The following CTBP1 variants were observed in gnomAD, a reference collection of about 807,000 sequenced individuals.
CTBP1 encodes the protein C-terminal-binding protein 1.
Under a neutral mutation model 42.1 loss-of-function variants are expected in CTBP1, and 11 were observed. That is an observed-to-expected ratio of 0.26 (90% CI 0.16 to 0.43). The LOEUF (loss-of-function observed/expected upper bound fraction) is 0.43. CTBP1 is among the 20% of genes least tolerant of loss of function. The pLI, the probability that CTBP1 is intolerant of heterozygous loss-of-function variation, is 1.00. For synonymous variants in CTBP1, 324 were observed against 277.1 expected, an observed-to-expected ratio of 1.17 and a Z score of -1.68; for missense variants, 399 against 624.3, an observed-to-expected ratio of 0.64 and a Z score of 3.85.
Position 1,212,145 on chromosome 4 carries a change from C to G in CTBP1, c.*95G>C, listed in dbSNP as rs541511602. The stretch of plus-strand genomic sequence containing the variant: ...ACAGCCCGGACCAGTCTCTGCAGTG[C>G]CAGGGCCACCACACAGATGCCTCCT... On this transcript the variant is annotated 3_prime_UTR_variant, in exon 10 of 10. Transcript: ENST00000382952. 4 of 1,113,856 alleles carry G rather than the reference C, an allele frequency of 3.6e-6. No homozygotes were observed. In the African/African-American group the frequency reaches 6.6e-5, roughly 18 times the overall value. The allele number at this position is 1,113,856 out of a possible 1,614,324, so 69.0% of individuals were successfully genotyped here.
intron 1 of CTBP1, chr4:1,243,915 ATGT>A (rs1732445268): frequency 3.0e-6 from 3 of 985,372 alleles, no homozygotes; most frequent in Non-Finnish European, 3.6e-6. Context: ...GCTTAACCTC[ATGT>A]TGTAAGAAAG....
At chr4:1,227,107 G>A (rs1456125684) in intron 4 of CTBP1, among the ~76,000 whole-genome samples, 2 of 152,076 alleles carry the variant, frequency 1.3e-5, no homozygotes, top group East Asian at 3.9e-4. Flanking sequence ...ACCGCCCCAA[G>A]TTTGTTCTAA....
At chr4:1,221,736 C>T (rs1269030181) in intron 5 of CTBP1, 28 of 389,018 alleles carry the variant, frequency 7.2e-5, no homozygotes, top group South Asian at 3.9e-4. Flanking sequence ...GGGGCCGCCA[C>T]GGGAGAAGGG....
rs186054318 is a variant in CTBP1, at chr4:1,233,452, C to A, written c.162+4731G>T. ...GGCTGCAGGTCCTCGCAGGCCACTG[C>A]GTCCTGTGCCCTCCCGGAGCCGCCC... On this transcript the variant is annotated intron_variant, in intron 3 of 9. Coordinates refer to ENST00000382952, the MANE Select transcript of CTBP1 (RefSeq NM_001012614.2). This position sits in a 1 kb window ranked among gnomAD's most constrained non-coding sequence, Gnocchi z 4.6. Among the ~76,000 whole-genome samples, 2 of 152,336 alleles carry A rather than the reference C, an allele frequency of 1.3e-5. No homozygotes were observed. The highest frequency in any genetic ancestry group is 6.5e-5 in the Admixed American group (1 of 15,308).
Position 1,238,166 on chromosome 4 carries a change from C to A in CTBP1, c.162+17G>T. 1 of 1,612,540 alleles carries A rather than the reference C, an allele frequency of 6.2e-7. No individual in the cohort carries two copies. Among genetic ancestry groups the A allele is most frequent in the Non-Finnish European group, 8.5e-7 (1 of 1,179,612 alleles). ...AACGTGCGGTTCTGCCAGCCCCAGG[C>A]GACCACGTGGTGGTACCTTCTCATG... is the stretch of plus-strand genomic sequence containing the variant. On this transcript the variant is annotated intron_variant, in intron 3 of 9. Coordinates refer to ENST00000382952, the MANE Select transcript of CTBP1 (RefSeq NM_001012614.2). The surrounding 1 kb of genome is among the most constrained non-coding windows in gnomAD (Gnocchi z 5.9).
At chr4:1,221,926 C>T in intron 5 of CTBP1, 1 of 367,766 alleles carries the variant, frequency 2.7e-6, no homozygotes. Context: ...GTCACGGGCA[C>T]CAGAGCCTCG....
At chr4:1,245,078 C>A (rs1357394581) in intron 1 of CTBP1, 3 of 983,860 alleles carry the variant, frequency 3.0e-6, no homozygotes, top group South Asian at 4.7e-5. Context: ...CAAGGCCCGT[C>A]ACCCACAGGT....
intron 5 of CTBP1, among the ~76,000 whole-genome samples, chr4:1,224,159 G>A (rs1024956097): frequency 3.9e-5 from 6 of 152,172 alleles, no homozygotes; most frequent in Non-Finnish European, 8.8e-5. Context: ...ACATATGCCG[G>A]TATCTATCTG....
chr4:1,245,759 G>C (rs183613076), intron 1 of CTBP1, among the ~76,000 whole-genome samples: 1 of 152,142 alleles, frequency 6.6e-6, no homozygotes, highest in Non-Finnish European at 1.5e-5. Context: ...AGCACGGGTA[G>C]GCAGGGTGGC....
intron 2 of CTBP1, among the ~76,000 whole-genome samples, chr4:1,239,687 A>T (rs1731955001): frequency 1.3e-5 from 2 of 152,132 alleles, no homozygotes; most frequent in Non-Finnish European, 2.9e-5. Flanking sequence ...TCCACTGACC[A>T]CCCCAAAGCC....
chr4:1,215,881 G>A, intron 6 of CTBP1, 110 bp downstream of exon 6: 1 of 1,223,422 alleles, frequency 8.2e-7, no homozygotes, highest in African/African-American at 1.5e-5. Flanking sequence ...GTGGCTCGCT[G>A]AAGGCAGGGT....
In CTBP1 at chr4:1,248,998, C is replaced by G; in HGVS notation, c.-271G>C. The G allele has an allele frequency of 1.1e-6, 1 of 952,366 alleles. No homozygotes were observed. Among genetic ancestry groups the G allele is most frequent in the Non-Finnish European group, 1.2e-6 (1 of 802,864 alleles). 59.0% of individuals were successfully genotyped at this position (952,366 alleles called of 1,614,324 possible). On this transcript the variant is annotated 5_prime_UTR_variant, in exon 1 of 10. Transcript: ENST00000382952. ...CGCGGGCCCCGACCACTCCGGCGCG[C>G]TGCGCCGCCGCGAGCCCGGCGCGTG...
rs201575592 is a variant in CTBP1 at position 1,227,455 on chromosome 4, T to C, written c.307+744A>G. Among the ~76,000 whole-genome samples, 8 of 143,888 alleles carry C rather than the reference T, an allele frequency of 5.6e-5. No individual in the cohort carries two copies. In the East Asian group the frequency reaches 1.8e-3, roughly 32 times the overall value. 94.4% of individuals were successfully genotyped at this position (143,888 alleles called of 152,430 possible). On this transcript the variant is annotated intron_variant, in intron 4 of 9. Coordinates refer to ENST00000382952, the MANE Select transcript of CTBP1 (RefSeq NM_001012614.2). ...CGTGTGCTGAGTGCGTGTGCACGGG[T>C]GCAGATGAGTGTGCAGGATCCGTGT...
intron 2 of CTBP1, 23 bp downstream of exon 2, chr4:1,241,302 C>T (rs778688931): frequency 6.2e-6 from 5 of 808,406 alleles, no homozygotes; most frequent in South Asian, 2.7e-5. Flanking sequence ...ACTCTGCCGC[C>T]GACGCCAGGA....
chr4:1,248,675 G>A (rs1733023873), intron 1 of CTBP1: 1 of 983,246 alleles, frequency 1.0e-6, no homozygotes, highest in Non-Finnish European at 1.2e-6. Context: ...ACGGGCCGCG[G>A]GCGGGGAGAG....
intron 6 of CTBP1, among the ~76,000 whole-genome samples, chr4:1,215,377 T>C (rs780757442): frequency 4.6e-5 from 7 of 152,198 alleles, no homozygotes; most frequent in Non-Finnish European, 1.0e-4. Flanking sequence ...CCACGCACAC[T>C]TGCCCACACA....
chr4:1,220,313 A>G (rs937324670), intron 5 of CTBP1, among the ~76,000 whole-genome samples: 16 of 152,164 alleles, frequency 1.1e-4, no homozygotes, highest in African/African-American at 3.9e-4. Flanking sequence ...GAAAAAAAGA[A>G]TTAAACATTT....
At chr4:1,221,781 T>A (rs780378521) in intron 5 of CTBP1, 2 of 439,276 alleles carry the variant, frequency 4.6e-6, no homozygotes, top group Non-Finnish European at 9.1e-6. Context: ...AGGAGCCTGC[T>A]CTGTCAACGT....
At chr4:1,228,051 G>T in intron 4 of CTBP1, 148 bp downstream of exon 4, 1 of 1,046,902 alleles carries the variant, frequency 9.6e-7, no homozygotes, top group Non-Finnish European at 1.4e-6. Flanking sequence ...ACCTCATGCC[G>T]GCCCCAGACG....
Sources: gnomAD v4.1 joint callset for allele counts (sites outside exome capture counted in the v4.1 genomes callset) on GRCh38, gnomAD v4.1.1 for gene constraint, Gnocchi (gnomAD v3.1) non-coding constraint, MANE v1.5 for transcripts, NCBI Gene and HGNC (gene_info 2026-07-23, HGNC 2026-07-21) for gene names.